Variants in SNX30 observed in about 807,000 individuals in gnomAD.
The protein encoded by SNX30 is sorting nexin-30.
SNX30 carries 24 observed loss-of-function variants against 46.4 expected under a neutral mutation model. The observed-to-expected ratio is 0.52, with a 90% CI of 0.37 to 0.73. SNX30 has a LOEUF of 0.73. SNX30 is among the 30% of genes least tolerant of loss of function. The probability of loss-of-function intolerance (pLI) is 0.00; values close to 1 mark genes in which losing one functional copy is unlikely to be tolerated. For missense variants in SNX30, 533 were observed against 555.7 expected (o/e 0.96, Z 0.41); for synonymous variants, 189 against 211.5 (o/e 0.89, Z 0.92).
At chr9:112,846,508 C>T (rs538317805) in intron 6 of SNX30, among the ~76,000 whole-genome samples, 1 of 152,276 alleles carries the variant, frequency 6.6e-6, no homozygotes, top group South Asian at 2.1e-4. Context: ...AGTGATATCA[C>T]CAGTACCAGA....
At chr9:112,806,976 A>G (rs1840234483) in intron 2 of SNX30, among the ~76,000 whole-genome samples, 1 of 151,206 alleles carries the variant, frequency 6.6e-6, no homozygotes, top group South Asian at 2.1e-4. Context: ...TTTATGCAAT[A>G]ATTATATCTT....
rs1178222429 is a variant in SNX30 at position 112,817,385 on chromosome 9, A to G, written c.349-320A>G. 0.02 allele frequency among the ~76,000 whole-genome samples: 17 copies of G among 834 alleles called. 1 individual carries two copies. The East Asian group carries it at 0.5, about 25-fold the overall frequency. 0.5% of individuals were successfully genotyped at this position (834 alleles called of 152,430 possible). ...GAATTCTATTTCCTGACGGTAGGGA[A>G]AAAAAAAAAAACTGGCTTTTTTTTT... is the stretch of plus-strand genomic sequence containing the variant. On this transcript the variant is annotated intron_variant, in intron 2 of 8. Transcript: ENST00000374232.
At chr9:112,817,942 C>G in intron 3 of SNX30, 127 bp downstream of exon 3, 3 of 675,088 alleles carry the variant, frequency 4.4e-6, no homozygotes, top group Non-Finnish European at 8.1e-6. Flanking sequence ...AACATGTTAA[C>G]GGACACTGTA....
chr9:112,773,929 T>C (rs994898754), intron 1 of SNX30, among the ~76,000 whole-genome samples: 1 of 152,246 alleles, frequency 6.6e-6, no homozygotes, highest in Non-Finnish European at 1.5e-5. Flanking sequence ...AAATTACTCT[T>C]GGCTCATTCA....
chr9:112,790,853 G>A (rs1012709480), intron 1 of SNX30, among the ~76,000 whole-genome samples: 3 of 152,194 alleles, frequency 2.0e-5, no homozygotes, highest in East Asian at 1.9e-4. Flanking sequence ...GGAGGAGCCT[G>A]ACCTATTGCC....
downstream of SNX30, among the ~76,000 whole-genome samples, chr9:112,876,867 T>A (rs537278040): frequency 1.4e-5 from 2 of 145,110 alleles, no homozygotes; most frequent in African/African-American, 5.2e-5. Context: ...ACTCTGGAGG[T>A]GGAGGTTGCA....
chr9:112,861,262 A>G (rs1031811091), intron 7 of SNX30, among the ~76,000 whole-genome samples: 2 of 152,214 alleles, frequency 1.3e-5, no homozygotes, highest in African/African-American at 4.8e-5. Flanking sequence ...CAGGAAGGCT[A>G]TGTGTCCTGG....
chr9:112,759,254 T>C (rs1009469714), intron 1 of SNX30, among the ~76,000 whole-genome samples: 1 of 152,214 alleles, frequency 6.6e-6, no homozygotes, highest in Admixed American at 6.5e-5. Flanking sequence ...ACCTCTGACA[T>C]ACTCCTCAGC....
intron 1 of SNX30, among the ~76,000 whole-genome samples, chr9:112,773,514 C>T (rs146449917): frequency 6.6e-6 from 1 of 151,988 alleles, no homozygotes; most frequent in African/African-American, 2.4e-5. Context: ...GTAGCTAAGA[C>T]TTACATATAT....
rs776264624 is a variant in SNX30, at chr9:112,824,085, C to T, written c.459+6270C>T. ...TTAGAAGAAGCAAGTCATTTGCTGA[C>T]GAGGAAGTTGGACATTTCAGGATTC... On this transcript the variant is annotated intron_variant, in intron 3 of 8. Coordinates refer to ENST00000374232, the MANE Select transcript of SNX30 (RefSeq NM_001012994.2). Among the ~76,000 whole-genome samples the T allele has an allele frequency of 3.3e-5, 5 of 152,210 alleles. No individual in the cohort carries two copies. In the South Asian group the frequency reaches 6.2e-4, roughly 19 times the overall value.
chr9:112,828,880 G>A (rs1840616445), intron 3 of SNX30, among the ~76,000 whole-genome samples: 1 of 152,010 alleles, frequency 6.6e-6, no homozygotes, highest in Admixed American at 6.6e-5. Context: ...ACCCTGGAAG[G>A]AAACCCTGTA....
At chr9:112,779,831 C>T (rs982223595) in intron 1 of SNX30, among the ~76,000 whole-genome samples, 1 of 152,194 alleles carries the variant, frequency 6.6e-6, no homozygotes, top group Non-Finnish European at 1.5e-5. Flanking sequence ...CTCATTCATA[C>T]TGTACGAGAG....
At chr9:112,832,055 T>C (rs1840667029) in intron 4 of SNX30, among the ~76,000 whole-genome samples, 1 of 152,052 alleles carries the variant, frequency 6.6e-6, no homozygotes, top group South Asian at 2.1e-4. Flanking sequence ...CTTCGGAGAG[T>C]GTGCCGTTCT....
chr9:112,820,347 CA>C (rs1250827275), intron 3 of SNX30, among the ~76,000 whole-genome samples: 2 of 151,972 alleles, frequency 1.3e-5, no homozygotes, highest in African/African-American at 2.4e-5. Flanking sequence ...TCATCCGCTA[CA>C]AAAAAATTTT....
intron 6 of SNX30, among the ~76,000 whole-genome samples, chr9:112,847,258 GTGCGTATCCCAGCCGTCC>G (rs1564290088): frequency 2.6e-4 from 40 of 150,994 alleles, no homozygotes; most frequent in Admixed American, 4.6e-4. Context: ...CAGCCGTCCC[GTGCGTATCCCAGCCGTCC>G]CGCGCATATC....
intron 1 of SNX30, among the ~76,000 whole-genome samples, chr9:112,765,034 C>T (rs191813358): frequency 7.2e-5 from 11 of 152,258 alleles, no homozygotes; most frequent in South Asian, 4.1e-4. Context: ...TTAGGCTGAT[C>T]AACTGAGCTC....
intron 5 of SNX30, among the ~76,000 whole-genome samples, chr9:112,837,465 T>G (rs1411265106): frequency 6.6e-6 from 1 of 151,598 alleles, no homozygotes; most frequent in Non-Finnish European, 1.5e-5. Flanking sequence ...GTTTTTGTTT[T>G]TCGTTTTTTG....
chr9:112,805,575 T>C (rs1840213271), intron 2 of SNX30, among the ~76,000 whole-genome samples: 1 of 152,180 alleles, frequency 6.6e-6, no homozygotes, highest in East Asian at 1.9e-4. Flanking sequence ...TTCAAGCAAT[T>C]CTCTTGCCTC....
At chr9:112,785,415 A>C in intron 1 of SNX30, among the ~76,000 whole-genome samples, 2 of 140,534 alleles carry the variant, frequency 1.4e-5, no homozygotes, top group Admixed American at 7.4e-5. Context: ...ATAGAATCTC[A>C]CTCTGTCACC....
Sources: gnomAD v4.1 joint callset for allele counts (sites outside exome capture counted in the v4.1 genomes callset) on GRCh38, gnomAD v4.1.1 for gene constraint, MANE v1.5 for transcripts, NCBI Gene and HGNC (gene_info 2026-07-23, HGNC 2026-07-21) for gene names.